GRID2: variants seen among roughly 807,000 people sequenced by gnomAD.
The protein encoded by GRID2 is glutamate ionotropic receptor delta type subunit 2.
GRID2 carries 33 observed loss-of-function variants against 114.8 expected under a neutral mutation model. The ratio of observed to expected loss-of-function variants is 0.29; its 90% CI spans 0.22 to 0.38. The LOEUF is 0.38. Among genes scored for constraint, GRID2 ranks in the 10% least tolerant of loss-of-function variants. The probability of loss-of-function intolerance (pLI) is 1.00; values close to 1 mark genes in which losing one functional copy is unlikely to be tolerated. For missense variants in GRID2, 1,184 were observed against 1,257.7 expected (o/e 0.94, Z 0.89); for synonymous variants, 505 against 449.9 (o/e 1.12, Z -1.55).
At chr4:92,541,702 G>T (rs1422356457) in intron 1 of GRID2, among the ~76,000 whole-genome samples, 1 of 151,992 alleles carries the variant, frequency 6.6e-6, no homozygotes, top group Non-Finnish European at 1.5e-5. Context: ...AGAGTGAAGA[G>T]AAATTAACAC....
intron 1 of GRID2, among the ~76,000 whole-genome samples, chr4:92,444,342 T>A (rs1158650415): frequency 6.6e-6 from 1 of 151,270 alleles, no homozygotes; most frequent in Admixed American, 6.6e-5. Context: ...TTTTATAGGA[T>A]TTGGGTAGGT....
At chr4:92,841,464 T>C (rs539976152) in intron 2 of GRID2, among the ~76,000 whole-genome samples, 1 of 152,234 alleles carries the variant, frequency 6.6e-6, no homozygotes, top group East Asian at 1.9e-4. Flanking sequence ...ATTATTAGAT[T>C]GTTTTATTTC....
rs917748678 is a variant in GRID2 at position 93,396,992 on chromosome 4, G to A, written c.1347+1284G>A. 4.6e-5 allele frequency among the ~76,000 whole-genome samples: 7 copies of A among 151,942 alleles called. No individual in the cohort carries two copies. In the East Asian group the frequency reaches 1.4e-3, roughly 29 times the overall value. ...TTGAAAAAGATTTTCCTATGGGCTA[G>A]GTAAATTGCAGAATTAGTAAATAGG... On this transcript the variant is annotated intron_variant, in intron 9 of 15. Transcript: ENST00000282020.
At chr4:93,032,832 A>G (rs1201285408) in intron 2 of GRID2, among the ~76,000 whole-genome samples, 1 of 152,214 alleles carries the variant, frequency 6.6e-6, no homozygotes, top group African/African-American at 2.4e-5. Context: ...CAATGAAAGT[A>G]GCCTAACACC....
chr4:93,145,794 C>T (rs1199214984), intron 4 of GRID2, among the ~76,000 whole-genome samples: 2 of 151,252 alleles, frequency 1.3e-5, no homozygotes, highest in Non-Finnish European at 2.9e-5. Context: ...CAGCCCACAG[C>T]ACCTGGTCTA....
chr4:93,709,644 G>A (rs780242365), intron 14 of GRID2, among the ~76,000 whole-genome samples: 2 of 152,146 alleles, frequency 1.3e-5, no homozygotes, highest in Non-Finnish European at 2.9e-5. Context: ...AAAGATCTGC[G>A]TTATTGTCCC....
At chr4:93,113,071 G>A (rs1386690199) in intron 4 of GRID2, among the ~76,000 whole-genome samples, 1 of 152,158 alleles carries the variant, frequency 6.6e-6, no homozygotes, top group African/African-American at 2.4e-5. Context: ...ACCATTAGCT[G>A]TTATGAGCAA....
At chr4:92,612,266 T>A (rs1729792058) in intron 2 of GRID2, among the ~76,000 whole-genome samples, 1 of 151,518 alleles carries the variant, frequency 6.6e-6, no homozygotes, top group Admixed American at 6.6e-5. Context: ...GATAGTATGT[T>A]GACCATGAAT....
Position 92,440,301 on chromosome 4 carries a change from A to T in GRID2, c.88+135557A>T, listed in dbSNP as rs1196957827. ...TTTGACTAATAAAGGCTGGTCTATTATCAGACTGTATTGAGGTGGGAAGGC... is the reference window on the plus strand; with the variant it reads ...TTTGACTAATAAAGGCTGGTCTATTTTCAGACTGTATTGAGGTGGGAAGGC... On this transcript the variant is annotated intron_variant, in intron 1 of 15. Transcript: ENST00000282020. Among the ~76,000 whole-genome samples, 2 of 146,230 alleles carry T rather than the reference A, an allele frequency of 1.4e-5. 1 individual carries two copies. Among genetic ancestry groups the T allele is most frequent in the Non-Finnish European group, 3.1e-5 (2 of 64,706 alleles).
chr4:93,239,465 G>T (rs893734187), intron 8 of GRID2, among the ~76,000 whole-genome samples: 2 of 151,248 alleles, frequency 1.3e-5, no homozygotes, highest in Non-Finnish European at 3.0e-5. Context: ...TAGGGTAACA[G>T]GTTCTTCAGT....
At chr4:92,384,341 T>TA (rs2110243289) in intron 1 of GRID2, among the ~76,000 whole-genome samples, 1 of 141,196 alleles carries the variant, frequency 7.1e-6, no homozygotes, top group South Asian at 2.2e-4. Flanking sequence ...AGTACAGTTT[T>TA]AAAAGTATGT....
chr4:93,272,015 T>C (rs570431134), intron 8 of GRID2, among the ~76,000 whole-genome samples: 6 of 152,280 alleles, frequency 3.9e-5, no homozygotes, highest in African/African-American at 1.4e-4. Context: ...ACCTATTATA[T>C]GTGTTGAAGT....
chr4:93,242,137 T>C (rs1450619056), intron 8 of GRID2, among the ~76,000 whole-genome samples: 1 of 151,896 alleles, frequency 6.6e-6, no homozygotes, highest in Admixed American at 6.6e-5. Flanking sequence ...GTTAAGAAAA[T>C]TATTAATAAA....
chr4:93,173,001 T>A (rs1428723896), intron 4 of GRID2, among the ~76,000 whole-genome samples: 1 of 152,172 alleles, frequency 6.6e-6, no homozygotes, highest in Non-Finnish European at 1.5e-5. Context: ...GAGGCATATT[T>A]CATGAAGAAA....
chr4:92,933,208 G>T lies in GRID2; in HGVS notation c.245-151787G>T, dbSNP rs1460620364. On this transcript the variant is annotated intron_variant, in intron 2 of 15. Transcript: ENST00000282020. ...TCCCTTAAATTTTACCTCTTAATCG[G>T]ATTACTGTGGAAATATATTCTTAAA... Among the ~76,000 whole-genome samples, 10 of 150,224 alleles carry T rather than the reference G, an allele frequency of 6.7e-5. No individual in the cohort carries two copies. The Admixed American group carries it at 6.7e-4, about 10-fold the overall frequency.
intron 2 of GRID2, among the ~76,000 whole-genome samples, chr4:92,679,517 T>C (rs1160722546): frequency 6.6e-6 from 1 of 152,096 alleles, no homozygotes; most frequent in African/African-American, 2.4e-5. Context: ...AAATAATTAT[T>C]CTCTGATATT....
chr4:92,872,814 G>A (rs564602194), intron 2 of GRID2, among the ~76,000 whole-genome samples: 2 of 152,354 alleles, frequency 1.3e-5, no homozygotes, highest in South Asian at 4.1e-4. Context: ...GACAATTGCA[G>A]GGAAAGGCAA....
At chr4:93,766,347 C>T (rs370756506) in intron 14 of GRID2, among the ~76,000 whole-genome samples, 1 of 152,056 alleles carries the variant, frequency 6.6e-6, no homozygotes, top group Non-Finnish European at 1.5e-5. Context: ...CACAAGGCAG[C>T]GGGAGAGAGA....
intron 1 of GRID2, among the ~76,000 whole-genome samples, chr4:92,397,536 A>T (rs1730558043): frequency 6.6e-6 from 1 of 152,106 alleles, no homozygotes; most frequent in South Asian, 2.1e-4. Flanking sequence ...AGAAAAAAGA[A>T]ATTATTTATG....
Sources: allele counts gnomAD v4.1 joint callset (sites outside exome capture counted in the v4.1 genomes callset), GRCh38; gene constraint gnomAD v4.1.1; transcripts MANE v1.5; gene names NCBI Gene and HGNC (gene_info 2026-07-23, HGNC 2026-07-21).